The following HTR1F variants were observed in gnomAD, a reference collection of about 807,000 sequenced individuals.
HTR1F encodes the protein 5-hydroxytryptamine (serotonin) receptor 1F, G protein-coupled.
Under a neutral mutation model 24.0 loss-of-function variants are expected in HTR1F, and 17 were observed. The ratio of observed to expected loss-of-function variants is 0.71; its 90% CI spans 0.48 to 1.06. HTR1F has a LOEUF of 1.06. Ranked by LOEUF, HTR1F falls within the 50% of genes least tolerant of loss-of-function variation. The pLI is 0.00. For missense variants in HTR1F, 391 were observed against 427.8 expected (o/e 0.91, Z 0.76); for synonymous variants, 186 against 156.8 (o/e 1.19, Z -1.39).
At chr3:87,936,497 A>T (rs1489554418) in intron 2 of HTR1F, among the ~76,000 whole-genome samples, 1 of 152,148 alleles carries the variant, frequency 6.6e-6, no homozygotes, top group East Asian at 1.9e-4. Context: ...TAAACATTTA[A>T]TTTTTTAATA....
chr3:87,811,882 T>C (rs1704166473), intron 1 of HTR1F, among the ~76,000 whole-genome samples: 1 of 152,018 alleles, frequency 6.6e-6, no homozygotes, highest in Non-Finnish European at 1.5e-5. Context: ...ATCATGGGGG[T>C]AGTTTCCCCC....
rs1019619321 is a variant in HTR1F at position 87,992,804 on chromosome 3, T to A, written c.*954T>A. 5 of 166,990 alleles carry A rather than the reference T, an allele frequency of 3.0e-5. No individual in the cohort carries two copies. Among genetic ancestry groups the A allele is most frequent in the African/African-American group, 1.2e-4 (5 of 41,460 alleles). The allele number at this position is 166,990 out of a possible 1,614,324, so 10.3% of individuals were successfully genotyped here. On this transcript the variant is annotated 3_prime_UTR_variant, in exon 3 of 3. Transcript: ENST00000319595. ...CTTCAGTATTTTCCATACCTTTGAT[T>A]TCAACATTATTTCCCGTTTACTAGA...
intron 1 of HTR1F, among the ~76,000 whole-genome samples, chr3:87,794,326 C>T (rs1315938343): frequency 6.6e-6 from 1 of 152,130 alleles, no homozygotes; most frequent in Non-Finnish European, 1.5e-5. Context: ...AGGAAAGAGT[C>T]GTTCATGCTT....
At chr3:87,853,711 C>T (rs141052504) in intron 2 of HTR1F, among the ~76,000 whole-genome samples, 187 of 152,198 alleles carry the variant, frequency 1.2e-3, no homozygotes, top group African/African-American at 4.4e-3. Context: ...TCCTCTGCAA[C>T]GTTGCCAACA....
At chr3:87,934,203 CA>C (rs1704356504) in intron 2 of HTR1F, among the ~76,000 whole-genome samples, 1 of 152,136 alleles carries the variant, frequency 6.6e-6, no homozygotes, top group East Asian at 1.9e-4. Flanking sequence ...GTAACAGTAA[CA>C]GAGAAAGAAT....
At chr3:87,828,160 T>G (rs1376120174) in intron 2 of HTR1F, among the ~76,000 whole-genome samples, 1 of 152,214 alleles carries the variant, frequency 6.6e-6, no homozygotes, top group Non-Finnish European at 1.5e-5. Context: ...GTTCCATTTC[T>G]CAAGAAGTGT....
At chr3:87,856,708 T>G (rs60336865) in intron 2 of HTR1F, among the ~76,000 whole-genome samples, 6,079 of 152,114 alleles carry the variant, frequency 0.04, 387 homozygotes, top group African/African-American at 0.13. Flanking sequence ...TTAGAAAAAT[T>G]TTTCAGAATA....
At chr3:87,842,939 A>C (rs912744249) in intron 2 of HTR1F, among the ~76,000 whole-genome samples, 19 of 151,848 alleles carry the variant, frequency 1.3e-4, no homozygotes, top group African/African-American at 4.6e-4. Flanking sequence ...GAAAGGACAC[A>C]CTTTATACAT....
intron 2 of HTR1F, among the ~76,000 whole-genome samples, chr3:87,978,514 C>T (rs1705449600): frequency 6.6e-6 from 1 of 152,044 alleles, no homozygotes; most frequent in African/African-American, 2.4e-5. Context: ...CTCAGGAGAC[C>T]CAGAGTGGTT....
intron 2 of HTR1F, among the ~76,000 whole-genome samples, chr3:87,923,789 T>A (rs187728592): frequency 5.1e-4 from 78 of 152,220 alleles, no homozygotes; most frequent in Admixed American, 1.3e-3. Flanking sequence ...ATGTGATATA[T>A]CACATTTATT....
intron 2 of HTR1F, among the ~76,000 whole-genome samples, chr3:87,931,610 T>A (rs940907563): frequency 4.6e-5 from 7 of 152,172 alleles, no homozygotes; most frequent in Non-Finnish European, 5.9e-5. Flanking sequence ...TCTAGATCCC[T>A]GAGGAATCGC....
Position 87,993,208 on chromosome 3 carries a change from T to C in HTR1F, c.*1358T>C, listed in dbSNP as rs1705873017. The C allele has an allele frequency of 2.4e-5, 4 of 166,842 alleles. No individual in the cohort carries two copies. The Admixed American group carries it at 2.6e-4, about 11-fold the overall frequency. 10.3% of individuals were successfully genotyped at this position (166,842 alleles called of 1,614,324 possible). ...TAAATATTCCTTCCTGATGGTGTGG[T>C]TAAGAGTACATTACATCAATTTTAT... On this transcript the variant is annotated 3_prime_UTR_variant, in exon 3 of 3. Transcript: ENST00000319595.
intron 2 of HTR1F, among the ~76,000 whole-genome samples, chr3:87,964,447 G>T (rs956342882): frequency 2.6e-5 from 4 of 151,950 alleles, no homozygotes; most frequent in Non-Finnish European, 5.9e-5. Flanking sequence ...AATTCCTTTT[G>T]CTGCCCTCCT....
chr3:87,977,520 T>G (rs545743673), intron 2 of HTR1F, among the ~76,000 whole-genome samples: 368 of 149,406 alleles, frequency 2.5e-3, no homozygotes, highest in Non-Finnish European at 4.0e-3. Flanking sequence ...TGCCTCAGCC[T>G]CCTGAGTAGC....
intron 2 of HTR1F, among the ~76,000 whole-genome samples, chr3:87,869,388 A>G (rs2938262): frequency 0.16 from 19,508 of 121,812 alleles, 2,228 homozygotes; most frequent in African/African-American, 0.35. Flanking sequence ...TAGATAGACA[A>G]ACAGATAGAT....
chr3:87,858,298 C>T (rs1705242719), intron 2 of HTR1F, among the ~76,000 whole-genome samples: 5 of 152,146 alleles, frequency 3.3e-5, no homozygotes, highest in Admixed American at 3.3e-4. Context: ...AGTTCTATGT[C>T]ATCATGACCT....
rs1203263549 is a variant in HTR1F, at chr3:87,967,373, C to A, written c.-42-23335C>A. ...GCTGAGGCAGGAGAATCACTTGAAC[C>A]AAGGAGGCGGAGGTTACAATGAGCT... On this transcript the variant is annotated intron_variant, in intron 2 of 2. Coordinates refer to ENST00000319595, the MANE Select transcript of HTR1F (RefSeq NM_001322209.2). Among the ~76,000 whole-genome samples, 20 of 151,966 alleles carry A rather than the reference C, an allele frequency of 1.3e-4. 1 individual carries two copies. The highest frequency in any genetic ancestry group is 1.3e-3 in the Admixed American group (20 of 15,260).
intron 2 of HTR1F, among the ~76,000 whole-genome samples, chr3:87,892,771 T>G (rs1706113294): frequency 6.6e-6 from 1 of 152,158 alleles, no homozygotes; most frequent in African/African-American, 2.4e-5. Context: ...TTTTTTTTAA[T>G]CTATACTGTA....
chr3:87,891,104 G>A (rs1272755594), intron 2 of HTR1F, among the ~76,000 whole-genome samples: 2 of 152,082 alleles, frequency 1.3e-5, no homozygotes, highest in Non-Finnish European at 2.9e-5. Context: ...GCCTCCCAAA[G>A]TGCTGGGATT....
Sources: allele counts gnomAD v4.1 joint callset (sites outside exome capture counted in the v4.1 genomes callset), GRCh38; gene constraint gnomAD v4.1.1; transcripts MANE v1.5; gene names NCBI Gene and HGNC (gene_info 2026-07-23, HGNC 2026-07-21).